The following GPC3 variants were observed in gnomAD, a reference collection of about 807,000 sequenced individuals.
GPC3 encodes the protein glypican-3.
A neutral mutation model predicts 34.4 loss-of-function variants in GPC3; 3 were observed. That is an observed-to-expected ratio of 0.09 (90% CI 0.04 to 0.23). GPC3 has a LOEUF of 0.23. Ranked by LOEUF, GPC3 falls within the 10% of genes least tolerant of loss-of-function variation. GPC3 has a pLI of 1.00. For missense variants in GPC3, 351 were observed against 445.6 expected (o/e 0.79, Z 1.91); for synonymous variants, 177 against 174.0 (o/e 1.02, Z -0.13).
chrX:133,901,348 A>G (rs1235298380), intron 2 of GPC3, among the ~76,000 whole-genome samples: 1 of 111,786 alleles, frequency 8.9e-6, no homozygotes, highest in African/African-American at 3.3e-5. Context: ...CATGGAAGTG[A>G]AAACTTTGCT....
chrX:133,805,214 CAG>C (rs1195444909), intron 2 of GPC3, among the ~76,000 whole-genome samples: 4 of 112,162 alleles, frequency 3.6e-5, no homozygotes, highest in Non-Finnish European at 7.5e-5. Flanking sequence ...AAAAATCAAA[CAG>C]AAAGTTATGG....
chrX:133,547,493 TA>T (rs1464099764), intron 7 of GPC3, among the ~76,000 whole-genome samples: 1 of 111,110 alleles, frequency 9.0e-6, no homozygotes, highest in Non-Finnish European at 1.9e-5. Context: ...TGCCAAATGG[TA>T]CTCGTCTGTG....
chrX:133,596,897 C>T (rs2124331574), intron 6 of GPC3, among the ~76,000 whole-genome samples: 1 of 110,925 alleles, frequency 9.0e-6, no homozygotes, highest in South Asian at 4.0e-4. Context: ...TCCTGAAAGT[C>T]TCCATGATAC....
chrX:133,847,610 A>G (rs1421971733), intron 2 of GPC3, among the ~76,000 whole-genome samples: 1 of 112,245 alleles, frequency 8.9e-6, no homozygotes, highest in Admixed American at 9.5e-5. Context: ...TACAACAGTG[A>G]GCACACACAC....
At chrX:133,596,661 G>T in intron 6 of GPC3, 62 bp from the exon 7 acceptor site, 1 of 1,072,715 alleles carries the variant, frequency 9.3e-7, no homozygotes, top group Non-Finnish European at 1.3e-6. Flanking sequence ...TCTGCACAGT[G>T]TGTTATTAAC....
intron 2 of GPC3, among the ~76,000 whole-genome samples, chrX:133,777,333 C>T (rs1022915504): frequency 3.6e-5 from 4 of 110,550 alleles, no homozygotes; most frequent in Non-Finnish European, 5.7e-5. Flanking sequence ...TTTATGCCTG[C>T]TTATCTTCCC....
chrX:133,890,918 A>C, intron 2 of GPC3, among the ~76,000 whole-genome samples: 1 of 109,193 alleles, frequency 9.2e-6, no homozygotes, highest in Non-Finnish European at 1.9e-5. Flanking sequence ...AATTCCAGCC[A>C]CTTGGGAGGC....
chrX:133,746,581 C>A (rs1261560568), intron 3 of GPC3, among the ~76,000 whole-genome samples: 5 of 112,097 alleles, frequency 4.5e-5, no homozygotes, highest in Non-Finnish European at 9.4e-5. Flanking sequence ...TACGTATTTT[C>A]TCCATGGAAA....
chrX:133,644,388 C>T (rs748476164), intron 6 of GPC3, among the ~76,000 whole-genome samples: 22 of 111,608 alleles, frequency 2.0e-4, no homozygotes, highest in Non-Finnish European at 3.8e-4. Context: ...AATCTGACTG[C>T]CATTTTCCTC....
At position 133,798,734 on chromosome X, in the gene GPC3, C is replaced by T. The variant is rs763828921; in HGVS notation, c.338-44558G>A. The stretch of plus-strand genomic sequence containing the variant: ...TTCCTTTGAGCACTGCACCCTTTGC[C>T]TGCTATCTTCTTTTAGAAGGCAAAT... On this transcript the variant is annotated intron_variant, in intron 2 of 7. Transcript: ENST00000370818. 5.3e-5 allele frequency among the ~76,000 whole-genome samples: 6 copies of T among 112,271 alleles called. 1 individual carries two copies. The South Asian group carries it at 2.2e-3, about 42-fold the overall frequency.
Position 133,536,232 on chromosome X carries a change from C to G in GPC3, c.1635G>C (p.Lys545Asn), listed in dbSNP as rs760790903. The G allele has an allele frequency of 8.3e-7, 1 of 1,203,732 alleles. No homozygotes were observed. Residue 545 changes from lysine (K) to asparagine (N), a missense_variant, in exon 8 of 8, where the codon AAG becomes AAC. Coordinates refer to ENST00000370818, the MANE Select transcript of GPC3 (RefSeq NM_004484.4). ...APGNSQQATPKDNEISTFHNL... is the reference protein window; with the variant it reads ...APGNSQQATPNDNEISTFHNL... ...TGTGAAAGGTGCTTATCTCGTTGTC[C>G]TTCGGAGTTGCCTGCTGACTGTTTC...
chrX:133,558,690 A>C (rs1040268722), intron 7 of GPC3, among the ~76,000 whole-genome samples: 1 of 109,952 alleles, frequency 9.1e-6, no homozygotes, highest in Non-Finnish European at 1.9e-5. Context: ...CAGGAGTTCA[A>C]GACCAGCCTG....
At chrX:133,897,205 CTTTTTTTTTTTTT>C (rs760491025) in intron 2 of GPC3, among the ~76,000 whole-genome samples, 1 of 82,652 alleles carries the variant, frequency 1.2e-5, no homozygotes, top group African/African-American at 5.1e-5. Context: ...CGTGCCCGGC[CTTTTTTTTTTTTT>C]TTTTTTTTTT....
Position 133,754,195 on chromosome X carries a change from A to AG in GPC3, c.338-20_338-19insC, listed in dbSNP as rs745600849. ...AAGGCCTCTGTAAAAAAAAAAAAAA[A>AG]AGAGACACAAAAATGTGTACAAATT... On this transcript the variant is annotated intron_variant, in intron 2 of 7. Coordinates refer to ENST00000370818, the MANE Select transcript of GPC3 (RefSeq NM_004484.4). The AG allele has an allele frequency of 2.6e-5, 26 of 1,018,748 alleles. No individual in the cohort carries two copies. Among genetic ancestry groups the AG allele is most frequent in the African/African-American group, 9.5e-5 (5 of 52,491 alleles). 84.0% of individuals were successfully genotyped at this position (1,018,748 alleles called of 1,213,427 possible).
At chrX:133,914,944 AATATAT>A (rs35086661) in intron 2 of GPC3, among the ~76,000 whole-genome samples, 875 of 49,938 alleles carry the variant, frequency 0.018, 12 homozygotes, top group African/African-American at 0.025. Context: ...TCAAACTGGA[AATATAT>A]ATATATATAT....
At chrX:133,806,509 T>A (rs1010281238) in intron 2 of GPC3, among the ~76,000 whole-genome samples, 5 of 112,027 alleles carry the variant, frequency 4.5e-5, no homozygotes, top group African/African-American at 1.6e-4. Context: ...TGATTTAGCA[T>A]CCTGATCTAT....
chrX:133,785,481 A>G (rs1194380895), intron 2 of GPC3, among the ~76,000 whole-genome samples: 1 of 111,993 alleles, frequency 8.9e-6, no homozygotes, highest in African/African-American at 3.3e-5. Flanking sequence ...TGAGAGATCG[A>G]TAAGTAGGTA....
intron 7 of GPC3, among the ~76,000 whole-genome samples, chrX:133,581,191 G>C (rs768713768): frequency 8.9e-6 from 1 of 112,277 alleles, no homozygotes; most frequent in Non-Finnish European, 1.9e-5. Context: ...ATTTCAGAGG[G>C]AGCCCCCGAA....
rs151198010 is a variant in GPC3 at position 133,967,883 on chromosome X, T to A, written c.176-14672A>T. Among the ~76,000 whole-genome samples, 651 of 112,477 alleles carry A rather than the reference T, an allele frequency of 5.8e-3. 6 individuals are homozygous for A. Among genetic ancestry groups the A allele is most frequent in the African/African-American group, 0.019 (598 of 30,981 alleles). On this transcript the variant is annotated intron_variant, in intron 1 of 7. Transcript: ENST00000370818. ...CCTGAGCTCAAGTCATCTGCCCACC[T>A]CAGCCTCCCAAAGTGCTGGGTGGCA...
Sources: allele counts gnomAD v4.1 joint callset (sites outside exome capture counted in the v4.1 genomes callset), GRCh38; gene constraint gnomAD v4.1.1; transcripts MANE v1.5; gene names NCBI Gene and HGNC (gene_info 2026-07-23, HGNC 2026-07-21).